TMEM131L: variants seen among roughly 807,000 people sequenced by gnomAD.
The protein encoded by TMEM131L is transmembrane 131 like.
TMEM131L carries 54 observed loss-of-function variants against 192.2 expected under a neutral mutation model. The observed-to-expected ratio is 0.28, with a 90% CI of 0.23 to 0.35. TMEM131L has a LOEUF of 0.35. Ranked by LOEUF, TMEM131L falls within the 10% of genes least tolerant of loss-of-function variation. The pLI is 1.00. For synonymous variants in TMEM131L, 701 were observed against 704.9 expected, an observed-to-expected ratio of 0.99 and a Z score of 0.09; for missense variants, 1,888 against 1,972.9, an observed-to-expected ratio of 0.96 and a Z score of 0.82.
Position 153,596,507 on chromosome 4 carries a change from G to T in TMEM131L, c.2123+122G>T, listed in dbSNP as rs575057261. 10 of 1,236,506 alleles carry T rather than the reference G, an allele frequency of 8.1e-6. No individual in the cohort carries two copies. The African/African-American group carries it at 1.5e-4, about 19-fold the overall frequency. The allele number at this position is 1,236,506 out of a possible 1,614,324, so 76.6% of individuals were successfully genotyped here. On this transcript the variant is annotated intron_variant, in intron 20 of 34. Coordinates refer to ENST00000409959, the MANE Select transcript of TMEM131L (RefSeq NM_001131007.2). ...CTTCAGGATGAAGGCTGTGTTGCGG[G>T]GTAGGAAGAAGTGGAAGCTGAGAAA...
chr4:153,627,482 C>G (rs1561258251), intron 30 of TMEM131L, 123 bp from the exon 31 acceptor site: 1 of 658,932 alleles, frequency 1.5e-6, no homozygotes, highest in Non-Finnish European at 2.7e-6. Flanking sequence ...TATGTTTCTT[C>G]CCCAAGAAAC....
chr4:153,508,562 T>G (rs1437051032), intron 3 of TMEM131L, among the ~76,000 whole-genome samples: 1 of 152,170 alleles, frequency 6.6e-6, no homozygotes, highest in Non-Finnish European at 1.5e-5. Flanking sequence ...CCCTTTATTC[T>G]CACATCTGTA....
intron 3 of TMEM131L, among the ~76,000 whole-genome samples, chr4:153,500,815 GCA>G (rs369546140): frequency 5.3e-5 from 8 of 151,878 alleles, no homozygotes; most frequent in African/African-American, 1.7e-4. Flanking sequence ...ACGCGTGCAT[GCA>G]CACACACACA....
At chr4:153,509,733 C>T (rs978893405) in intron 3 of TMEM131L, among the ~76,000 whole-genome samples, 66 of 152,176 alleles carry the variant, frequency 4.3e-4, no homozygotes, top group African/African-American at 1.6e-3. Context: ...CTCCCAAACA[C>T]CTCATTTTAA....
intron 2 of TMEM131L, among the ~76,000 whole-genome samples, chr4:153,471,224 G>C (rs779712031): frequency 1.2e-4 from 19 of 152,178 alleles, no homozygotes; most frequent in Non-Finnish European, 2.1e-4. Flanking sequence ...CTGACCTTGT[G>C]ATCTGCCTGC....
At chr4:153,523,845 T>G (rs1040529997) in intron 3 of TMEM131L, among the ~76,000 whole-genome samples, 4 of 152,228 alleles carry the variant, frequency 2.6e-5, no homozygotes, top group Non-Finnish European at 5.9e-5. Flanking sequence ...CATAGCAAGT[T>G]GTATTTTGTT....
chr4:153,513,735 A>G (rs2150091915), intron 3 of TMEM131L, among the ~76,000 whole-genome samples: 1 of 152,292 alleles, frequency 6.6e-6, no homozygotes, highest in Admixed American at 6.5e-5. Flanking sequence ...AGGATGGTTT[A>G]AATGTCAAAA....
At chr4:153,623,670 A>G (rs1056306206) in intron 29 of TMEM131L, among the ~76,000 whole-genome samples, 4 of 152,232 alleles carry the variant, frequency 2.6e-5, no homozygotes, top group African/African-American at 7.2e-5. Context: ...AAAACATTGT[A>G]GCATGTGTCA....
chr4:153,619,759 T>C (rs1308623697), intron 26 of TMEM131L, among the ~76,000 whole-genome samples: 1 of 152,246 alleles, frequency 6.6e-6, no homozygotes, highest in Non-Finnish European at 1.5e-5. Context: ...CAATTCCTAC[T>C]CTGATTGCTG....
At chr4:153,518,747 C>A (rs954040982) in intron 3 of TMEM131L, among the ~76,000 whole-genome samples, 5 of 152,102 alleles carry the variant, frequency 3.3e-5, no homozygotes, top group African/African-American at 1.2e-4. Context: ...AAATCAATAG[C>A]CCGACTTGGT....
intron 3 of TMEM131L, among the ~76,000 whole-genome samples, chr4:153,491,107 A>G (rs920935842): frequency 2.0e-5 from 3 of 152,172 alleles, no homozygotes; most frequent in Non-Finnish European, 4.4e-5. Context: ...ACACACAGAT[A>G]TCAAGTAACC....
In TMEM131L at chr4:153,514,921, T is replaced by C. The variant is rs534523606; in HGVS notation, c.240-35152T>C. 3.0e-4 allele frequency among the ~76,000 whole-genome samples: 46 copies of C among 152,144 alleles called. No homozygotes were observed. The South Asian group carries it at 3.5e-3, about 12-fold the overall frequency. On this transcript the variant is annotated intron_variant, in intron 3 of 34. Coordinates refer to ENST00000409959, the MANE Select transcript of TMEM131L (RefSeq NM_001131007.2). ...TCCGCCTCCTGGGTTCAAGCAATTC[T>C]CTGCCTCGGCCTCCCGGATAGCTGG...
At chr4:153,516,936 C>T (rs967587729) in intron 3 of TMEM131L, among the ~76,000 whole-genome samples, 2 of 152,190 alleles carry the variant, frequency 1.3e-5, no homozygotes, top group East Asian at 1.9e-4. Context: ...CAACGATTCT[C>T]CTGCCTCAGG....
chr4:153,529,944 T>A (rs1735768569), intron 3 of TMEM131L, among the ~76,000 whole-genome samples: 10 of 152,156 alleles, frequency 6.6e-5, no homozygotes, highest in Admixed American at 5.9e-4. Context: ...TTAAGGACCA[T>A]CATTATTTCA....
At chr4:153,587,230 G>A (rs1479699808) in intron 14 of TMEM131L, among the ~76,000 whole-genome samples, 1 of 151,820 alleles carries the variant, frequency 6.6e-6, no homozygotes, top group African/African-American at 2.4e-5. Context: ...GAGCAGGCAG[G>A]TTTCAGGTAT....
chr4:153,522,648 A>T (rs1033889897), intron 3 of TMEM131L, among the ~76,000 whole-genome samples: 30 of 152,024 alleles, frequency 2.0e-4, no homozygotes, highest in African/African-American at 7.3e-4. Context: ...GTTATTTCTT[A>T]TTTTTTATCC....
intron 11 of TMEM131L, 138 bp downstream of exon 11, chr4:153,583,810 A>C (rs1452626423): frequency 1.6e-6 from 1 of 620,758 alleles, no homozygotes; most frequent in Non-Finnish European, 2.9e-6. Context: ...TCCCAGCCTT[A>C]GTAGTTCTAA....
intron 3 of TMEM131L, among the ~76,000 whole-genome samples, chr4:153,474,691 G>A (rs1020308721): frequency 7.9e-5 from 12 of 152,172 alleles, no homozygotes; most frequent in Admixed American, 6.5e-4. Context: ...AAGTAGCTGG[G>A]ATTACAGGCG....
chr4:153,559,031 A>T (rs1217601569), intron 7 of TMEM131L, among the ~76,000 whole-genome samples: 1 of 152,150 alleles, frequency 6.6e-6, no homozygotes, highest in Non-Finnish European at 1.5e-5. Flanking sequence ...TATGAAACTT[A>T]CCTCTTCTTT....
Sources: gnomAD v4.1 joint callset for allele counts (sites outside exome capture counted in the v4.1 genomes callset) on GRCh38, gnomAD v4.1.1 for gene constraint, MANE v1.5 for transcripts, NCBI Gene and HGNC (gene_info 2026-07-23, HGNC 2026-07-21) for gene names.